NLGN1: variants seen among roughly 807,000 people sequenced by gnomAD.
The protein encoded by NLGN1 is neuroligin-1.
Under a neutral mutation model 65.5 loss-of-function variants are expected in NLGN1, and 12 were observed. The observed-to-expected ratio is 0.18, with a 90% CI of 0.12 to 0.30. The LOEUF is 0.30. Among genes scored for constraint, NLGN1 ranks in the 10% least tolerant of loss-of-function variants. The pLI, the probability that NLGN1 is intolerant of heterozygous loss-of-function variation, is 1.00. For synonymous variants in NLGN1, 350 were observed against 359.5 expected, an observed-to-expected ratio of 0.97 and a Z score of 0.30; for missense variants, 750 against 1,007.1, an observed-to-expected ratio of 0.74 and a Z score of 3.46.
intron 3 of NLGN1, among the ~76,000 whole-genome samples, chr3:173,801,120 A>T (rs960611252): frequency 3.3e-5 from 5 of 151,980 alleles, no homozygotes; most frequent in African/African-American, 1.2e-4. Flanking sequence ...AAACATTGCA[A>T]CTATAAGCAA....
At chr3:173,410,939 A>G (rs1377152657) in intron 1 of NLGN1, among the ~76,000 whole-genome samples, 1 of 152,226 alleles carries the variant, frequency 6.6e-6, no homozygotes, top group Non-Finnish European at 1.5e-5. Flanking sequence ...AACACTTAAA[A>G]TATTCAGAAG....
chr3:174,063,739 T>C (rs754341743), intron 4 of NLGN1, among the ~76,000 whole-genome samples: 2 of 152,134 alleles, frequency 1.3e-5, no homozygotes, highest in Non-Finnish European at 2.9e-5. Flanking sequence ...AGAAAAAGGA[T>C]GTTGTAAAAT....
chr3:173,635,594 C>T (rs190333663), intron 3 of NLGN1, among the ~76,000 whole-genome samples: 3 of 152,100 alleles, frequency 2.0e-5, no homozygotes, highest in Admixed American at 1.3e-4. Flanking sequence ...TCAGGAAACA[C>T]GTTTTTGGAA....
At chr3:174,035,563 T>C (rs1730948042) in intron 4 of NLGN1, among the ~76,000 whole-genome samples, 1 of 152,158 alleles carries the variant, frequency 6.6e-6, no homozygotes, top group African/African-American at 2.4e-5. Flanking sequence ...CCACATGGGT[T>C]GATGTGTTTG....
At chr3:174,281,568 G>A (rs1296020863) in exon 7 of NLGN1, 5 of 349,542 alleles carry the variant, frequency 1.4e-5, no homozygotes, top group Non-Finnish European at 1.6e-5. Flanking sequence ...GAAGATTTAA[G>A]TTACATAATG....
At chr3:174,198,196 T>TAATA (rs1264716621) in intron 4 of NLGN1, among the ~76,000 whole-genome samples, 1 of 152,174 alleles carries the variant, frequency 6.6e-6, no homozygotes, top group African/African-American at 2.4e-5. Context: ...ATAAAACAGC[T>TAATA]AATATTTATC....
intron 2 of NLGN1, among the ~76,000 whole-genome samples, chr3:173,560,751 T>A (rs1376451421): frequency 6.6e-6 from 1 of 152,172 alleles, no homozygotes; most frequent in Non-Finnish European, 1.5e-5. Context: ...TAAAAATCTA[T>A]GAAAGCACCT....
At chr3:173,906,518 C>T (rs1209604306) in intron 4 of NLGN1, among the ~76,000 whole-genome samples, 1 of 152,142 alleles carries the variant, frequency 6.6e-6, no homozygotes. Flanking sequence ...GTGCTGCCGT[C>T]TATCTAATCA....
At chr3:173,408,641 A>G (rs530714331) in intron 1 of NLGN1, among the ~76,000 whole-genome samples, 58 of 152,320 alleles carry the variant, frequency 3.8e-4, no homozygotes, top group African/African-American at 1.3e-3. Context: ...GGCCGGGCGC[A>G]GTGGCTCACG....
chr3:173,785,342 A>C (rs898592137), intron 3 of NLGN1, among the ~76,000 whole-genome samples: 1 of 152,314 alleles, frequency 6.6e-6, no homozygotes, highest in Admixed American at 6.5e-5. Context: ...TATCTTGATA[A>C]TTTCCACATC....
At chr3:173,743,382 A>G (rs1774925000) in intron 3 of NLGN1, among the ~76,000 whole-genome samples, 1 of 152,086 alleles carries the variant, frequency 6.6e-6, no homozygotes, top group Non-Finnish European at 1.5e-5. Context: ...CAGCAGCTCA[A>G]GGGACAAATA....
At chr3:174,180,104 C>A (rs1730121113) in intron 4 of NLGN1, among the ~76,000 whole-genome samples, 2 of 152,102 alleles carry the variant, frequency 1.3e-5, no homozygotes, top group Non-Finnish European at 2.9e-5. Context: ...ACAGTCCCTT[C>A]CTTCAACTTG....
rs1485933584 is a variant in NLGN1 at position 173,822,193 on chromosome 3, A to G, written c.646+14361A>G. On this transcript the variant is annotated intron_variant, in intron 4 of 6. Transcript: ENST00000457714. ...AATGCTTTTAAATAGAAATAAGCCA[A>G]AACTGTGTAGTTTAATTTTATTTAC... Among the ~76,000 whole-genome samples the G allele has an allele frequency of 3.9e-5, 6 of 152,266 alleles. No individual in the cohort carries two copies. The South Asian group carries it at 8.3e-4, about 21-fold the overall frequency.
intron 4 of NLGN1, among the ~76,000 whole-genome samples, chr3:173,819,525 A>G (rs917009813): frequency 3.3e-5 from 5 of 152,162 alleles, no homozygotes; most frequent in African/African-American, 1.2e-4. Flanking sequence ...ACTGCCTAGG[A>G]CGATCCTTTC....
At chr3:173,819,074 T>TA (rs1291709878) in intron 4 of NLGN1, among the ~76,000 whole-genome samples, 2 of 152,020 alleles carry the variant, frequency 1.3e-5, no homozygotes, top group African/African-American at 4.8e-5. Context: ...AAGGGATTTC[T>TA]AAAGTCTTTC....
chr3:174,092,257 T>C (rs1263339734), intron 4 of NLGN1, among the ~76,000 whole-genome samples: 1 of 151,960 alleles, frequency 6.6e-6, no homozygotes, highest in Admixed American at 6.6e-5. Flanking sequence ...ACACATAAGC[T>C]AAACCAGGGG....
At chr3:173,405,769 A>G (rs961232859) in intron 1 of NLGN1, among the ~76,000 whole-genome samples, 3 of 152,100 alleles carry the variant, frequency 2.0e-5, no homozygotes, top group African/African-American at 7.2e-5. Context: ...ATGTCTGGGG[A>G]GCAGACTCTT....
chr3:174,026,817 G>A (rs945810770), intron 4 of NLGN1, among the ~76,000 whole-genome samples: 1 of 152,058 alleles, frequency 6.6e-6, no homozygotes, highest in Non-Finnish European at 1.5e-5. Flanking sequence ...AGCAGCAAAG[G>A]CAGAACTTGA....
chr3:174,038,079 A>G (rs141656236), intron 4 of NLGN1, among the ~76,000 whole-genome samples: 53 of 152,192 alleles, frequency 3.5e-4, no homozygotes, highest in African/African-American at 1.2e-3. Flanking sequence ...TGAGGCATGA[A>G]GCCTGCTGAA....
Sources: allele counts gnomAD v4.1 joint callset (sites outside exome capture counted in the v4.1 genomes callset), GRCh38; gene constraint gnomAD v4.1.1; transcripts MANE v1.5; gene names NCBI Gene and HGNC (gene_info 2026-07-23, HGNC 2026-07-21).